Variants in DGKK observed in about 807,000 individuals in gnomAD.
DGKK encodes the protein 142 kDa diacylglycerol kinase.
A neutral mutation model predicts 92.2 loss-of-function variants in DGKK; 35 were observed. The observed-to-expected ratio is 0.38, with a 90% CI of 0.29 to 0.50. The LOEUF (loss-of-function observed/expected upper bound fraction) is 0.50. DGKK is among the 20% of genes least tolerant of loss of function. The probability of loss-of-function intolerance (pLI) is 0.92; values close to 1 mark genes in which losing one functional copy is unlikely to be tolerated. For synonymous variants in DGKK, 368 were observed against 360.6 expected (o/e 1.02, Z -0.23); for missense variants, 910 against 992.2 (o/e 0.92, Z 1.11).
At chrX:50,442,765 C>T (rs191625663) in intron 1 of DGKK, among the ~76,000 whole-genome samples, 1 of 111,730 alleles carries the variant, frequency 9.0e-6, no homozygotes, top group East Asian at 2.8e-4. Context: ...AAGGTGTCAC[C>T]AGACTGTGAT....
chrX:50,379,858 C>T, intron 19 of DGKK, 123 bp downstream of exon 19: 1 of 896,152 alleles, frequency 1.1e-6, no homozygotes, highest in East Asian at 3.1e-5. Context: ...TTCATGCCTT[C>T]CTCCCATGAG....
At chrX:50,384,059 G>T in intron 17 of DGKK, 109 bp downstream of exon 17, 1 of 427,978 alleles carries the variant, frequency 2.3e-6, no homozygotes, top group Non-Finnish European at 3.7e-6. Flanking sequence ...TTGCGTAGGT[G>T]ACACAGCTAG....
At chrX:50,435,095 T>C (rs1925986228) in intron 1 of DGKK, among the ~76,000 whole-genome samples, 1 of 112,433 alleles carries the variant, frequency 8.9e-6, no homozygotes, top group Non-Finnish European at 1.9e-5. Flanking sequence ...GGTATTTGTG[T>C]ATGTAAACAT....
At chrX:50,402,427 A>C (rs1925033546) in intron 7 of DGKK, among the ~76,000 whole-genome samples, 1 of 110,974 alleles carries the variant, frequency 9.0e-6, no homozygotes, top group Admixed American at 9.6e-5. Context: ...CAAAAACAAA[A>C]AACAAAACAA....
At chrX:50,375,992 C>T (rs782771151) in intron 24 of DGKK, 32 bp downstream of exon 24, 2 of 1,198,480 alleles carry the variant, frequency 1.7e-6, no homozygotes, top group East Asian at 3.0e-5. Context: ...TCTGGTTTGA[C>T]TCCTTTCCTT....
At position 50,436,009 on chromosome X, in the gene DGKK, T is replaced by C. The variant is rs111698826; in HGVS notation, c.646-11651A>G. On this transcript the variant is annotated intron_variant, in intron 1 of 27. Coordinates refer to ENST00000611977, the MANE Select transcript of DGKK (RefSeq NM_001013742.4). The stretch of plus-strand genomic sequence containing the variant: ...TTGCCTCACATGGAGTCAGGAGATA[T>C]GGTAGTTTGACAGTCTATCACACTT... Among the ~76,000 whole-genome samples, 652 of 111,459 alleles carry C rather than the reference T, an allele frequency of 5.8e-3. 2 individuals carry two copies. The highest frequency in any genetic ancestry group is 9.4e-3 in the Non-Finnish European group (496 of 53,003).
intron 10 of DGKK, among the ~76,000 whole-genome samples, chrX:50,391,942 T>C (rs1215018328): frequency 8.9e-6 from 1 of 112,238 alleles, no homozygotes; most frequent in Non-Finnish European, 1.9e-5. Flanking sequence ...GCAAGGCGGC[T>C]GCCTAAGGAC....
intron 1 of DGKK, among the ~76,000 whole-genome samples, chrX:50,439,884 A>G (rs2147143459): frequency 9.0e-6 from 1 of 111,289 alleles, no homozygotes; most frequent in Non-Finnish European, 1.9e-5. Context: ...AGAACCTATT[A>G]CATCAGAAGG....
chrX:50,458,714 G>C (rs782072682), intron 1 of DGKK, among the ~76,000 whole-genome samples: 2 of 110,600 alleles, frequency 1.8e-5, no homozygotes, highest in Admixed American at 9.6e-5. Flanking sequence ...AAATTTTGTC[G>C]GTTGCGTTTA....
Position 50,414,378 on chromosome X carries a change from G to A in DGKK, c.942+6025C>T, listed in dbSNP as rs782539088. 3.5e-3 allele frequency among the ~76,000 whole-genome samples: 392 copies of A among 111,009 alleles called. 4 individuals carry two copies. The highest frequency in any genetic ancestry group is 0.017 in the South Asian group (43 of 2,573). ...TCACCATAAAAAATGATAGGTAATCGGGGTGATGGATATGTTAATTAGCTT... is the reference window on the plus strand; with the variant it reads ...TCACCATAAAAAATGATAGGTAATCAGGGTGATGGATATGTTAATTAGCTT... On this transcript the variant is annotated intron_variant, in intron 4 of 27. Transcript: ENST00000611977.
chrX:50,438,338 A>G (rs1926086813), intron 1 of DGKK, among the ~76,000 whole-genome samples: 1 of 111,866 alleles, frequency 8.9e-6, no homozygotes, highest in African/African-American at 3.3e-5. Flanking sequence ...CATTAGTGCT[A>G]ACAGTCACAA....
At chrX:50,378,309 A>G in intron 21 of DGKK, 77 bp from the exon 22 acceptor site, 1 of 1,080,688 alleles carries the variant, frequency 9.3e-7, no homozygotes, top group African/African-American at 1.8e-5. Flanking sequence ...TCTCATAGTT[A>G]TGGCCTTGAA....
chrX:50,382,642 G>A (rs1295457076), intron 17 of DGKK, 39 bp from the exon 18 acceptor site: 2 of 1,061,239 alleles, frequency 1.9e-6, no homozygotes, highest in African/African-American at 3.7e-5. Context: ...ATTGGTGCAG[G>A]AAAGAAGTGC....
At chrX:50,455,797 C>T (rs1254197185) in intron 1 of DGKK, among the ~76,000 whole-genome samples, 3 of 112,022 alleles carry the variant, frequency 2.7e-5, no homozygotes, top group African/African-American at 9.7e-5. Context: ...TCCTGGTTTG[C>T]TTCCAATACT....
intron 1 of DGKK, among the ~76,000 whole-genome samples, chrX:50,441,879 A>G (rs1557231332): frequency 8.9e-6 from 1 of 111,786 alleles, no homozygotes; most frequent in Non-Finnish European, 1.9e-5. Context: ...ATTGATATAA[A>G]TAAATAAAAA....
At position 50,393,330 on chromosome X, in the gene DGKK, A is replaced by ACACAACG; in HGVS notation, c.1416_1417insCGTTGTG (p.Leu473ArgfsTer13). 8.3e-7 allele frequency: 1 copy of ACACAACG among 1,200,139 alleles called. No individual in the cohort carries two copies. Among genetic ancestry groups the ACACAACG allele is most frequent in the Non-Finnish European group, 1.1e-6 (1 of 888,996 alleles). On this transcript the variant is annotated frameshift_variant, in exon 9 of 28. Transcript: ENST00000611977. LOFTEE classifies it high-confidence loss of function. ...TTCCAGAAGTCTGAAGATACTACTA[A>ACACAACG]TTGGCCTGACACAACGAAAAGAAAA...
chrX:50,366,842 A>G lies in DGKK; in HGVS notation c.*2098T>C, dbSNP rs1486398723. ...TCATCTAATACCTCCTCCTGGGAAG[A>G]AAGACTAATAACAGAGAAAGTCAAA... On this transcript the variant is annotated 3_prime_UTR_variant, in exon 28 of 28. Coordinates refer to ENST00000611977, the MANE Select transcript of DGKK (RefSeq NM_001013742.4). The G allele has an allele frequency of 8.9e-6, 1 of 112,422 alleles. No individual in the cohort carries two copies. Among genetic ancestry groups the G allele is most frequent in the Non-Finnish European group, 1.9e-5 (1 of 53,314 alleles). 9.3% of individuals were successfully genotyped at this position (112,422 alleles called of 1,213,427 possible). A position where few individuals can be genotyped will look rare whatever the true frequency, so the allele number is the denominator to read the frequency against.
chrX:50,400,887 C>G, intron 8 of DGKK, 150 bp downstream of exon 8: 3 of 481,064 alleles, frequency 6.2e-6, no homozygotes, highest in Non-Finnish European at 1.1e-5. Flanking sequence ...GTAAGAGAAC[C>G]AGGAGCTATC....
At position 50,384,759 on chromosome X, in the gene DGKK, C is replaced by T. The variant is rs1451059168; in HGVS notation, c.2413G>A (p.Asp805Asn). Residue 805 changes from aspartate (D) to asparagine (N), a missense_variant, in exon 16 of 28, where the codon GAT becomes AAT. Transcript: ENST00000611977. ...KNFSSTFFLE[D>N]DPEDINQTSP... ...GTCTGGTTAATATCTTCTGGGTCAT[C>T]TTCCAGGAAGAAAGTTGAACTAAAG... 1 of 1,208,979 alleles carries T rather than the reference C, an allele frequency of 8.3e-7. No homozygotes were observed. The highest frequency in any genetic ancestry group is 3.0e-5 in the East Asian group (1 of 33,723).
Sources: allele counts gnomAD v4.1 joint callset (sites outside exome capture counted in the v4.1 genomes callset), GRCh38; gene constraint gnomAD v4.1.1; transcripts MANE v1.5; gene names NCBI Gene and HGNC (gene_info 2026-07-23, HGNC 2026-07-21).